NEO1: variants seen among roughly 807,000 people sequenced by gnomAD.
NEO1 encodes neogenin 1.
Under a neutral mutation model 159.7 loss-of-function variants are expected in NEO1, and 63 were observed. That is an observed-to-expected ratio of 0.39 (90% CI 0.32 to 0.49). The LOEUF is 0.49. Among genes scored for constraint, NEO1 ranks in the 20% least tolerant of loss-of-function variants. NEO1 has a pLI of 0.85. For missense variants in NEO1, 1,615 were observed against 1,831.0 expected (o/e 0.88, Z 2.15); for synonymous variants, 633 against 662.0 (o/e 0.96, Z 0.67).
intron 1 of NEO1, among the ~76,000 whole-genome samples, chr15:73,096,128 G>A (rs2070016088): frequency 6.6e-6 from 1 of 152,104 alleles, no homozygotes; most frequent in African/African-American, 2.4e-5. Flanking sequence ...GAAACCCACA[G>A]CAGCAGATCA....
intron 15 of NEO1, among the ~76,000 whole-genome samples, chr15:73,263,022 G>T (rs1442639559): frequency 6.6e-6 from 1 of 151,888 alleles, no homozygotes; most frequent in Non-Finnish European, 1.5e-5. Context: ...TGGAACCAGG[G>T]GTGTTAGGAA....
At chr15:73,285,355 A>G (rs1263843105) in intron 23 of NEO1, among the ~76,000 whole-genome samples, 1 of 152,202 alleles carries the variant, frequency 6.6e-6, no homozygotes, top group African/African-American at 2.4e-5. Flanking sequence ...CCTGACCTCA[A>G]GTGATCTGCC....
intron 1 of NEO1, among the ~76,000 whole-genome samples, chr15:73,104,804 C>G (rs1210035011): frequency 2.0e-5 from 3 of 152,064 alleles, no homozygotes; most frequent in African/African-American, 7.2e-5. Flanking sequence ...GAAGGTGGAG[C>G]AGGGCACATC....
In NEO1 at chr15:73,116,635, G is replaced by C; in HGVS notation, c.226G>C (p.Ala76Pro). Residue 76 changes from alanine (A) to proline (P), a missense_variant, in exon 2 of 29, where the codon GCA becomes CCA. By Grantham distance (27) the Ala-to-Pro change is conservative (BLOSUM62 -1). This residue lies in a region of NEO1 where 1,018 missense variants were observed against 1,115.4 expected (regional missense o/e 0.91). Transcript: ENST00000261908. Reference protein sequence around the residue: ...RGSSVILNCSAYSEPSPKIEW... With the variant: ...RGSSVILNCSPYSEPSPKIEW... ...CTCTTCTGTTATATTAAACTGTTCA[G>C]CATATTCTGAGCCTTCTCCAAAAAT... The C allele has an allele frequency of 6.2e-7, 1 of 1,613,790 alleles. No individual in the cohort carries two copies. The highest frequency in any genetic ancestry group is 8.5e-7 in the Non-Finnish European group (1 of 1,179,874).
chr15:73,274,870 G>A, intron 21 of NEO1, 146 bp downstream of exon 21: 1 of 749,140 alleles, frequency 1.3e-6, no homozygotes, highest in East Asian at 2.6e-5. Flanking sequence ...AAGTAGAGTT[G>A]AGTCCATGTT....
intron 7 of NEO1, among the ~76,000 whole-genome samples, chr15:73,187,735 G>A (rs1354573963): frequency 6.6e-6 from 1 of 152,168 alleles, no homozygotes; most frequent in Non-Finnish European, 1.5e-5. Context: ...GGCACAGTTT[G>A]CGAATCTCAA....
chr15:73,282,370 A>G (rs188170772), intron 22 of NEO1, among the ~76,000 whole-genome samples: 233 of 152,362 alleles, frequency 1.5e-3, no homozygotes, highest in African/African-American at 5.3e-3. Context: ...ACAATGACTG[A>G]CACATAGTAA....
chr15:73,176,405 C>A lies in NEO1; in HGVS notation c.1018C>A (p.Gln340Lys). The change falls in exon 6 of 29, where the codon CAA becomes AAA. Residue 340 changes from glutamine (Q) to lysine (K), a missense_variant and splice_region_variant. Gln to Lys is a moderately conservative substitution (Grantham distance 53, BLOSUM62 1). This residue lies in a region of NEO1 where 1,018 missense variants were observed against 1,115.4 expected (regional missense o/e 0.91). Coordinates refer to ENST00000261908, the MANE Select transcript of NEO1 (RefSeq NM_002499.4). ...EAQAELTVQA[Q>K]PEFLKQPTNI... is the part of the protein sequence containing the mutation. ...TTAATTTCCTTTTTATTTTAAAGCT[C>A]AACCTGAATTCCTGAAGCAGCCTAC... 6.5e-7 allele frequency: 1 copy of A among 1,534,814 alleles called. No homozygotes were observed. The highest frequency in any genetic ancestry group is 1.9e-5 in the Admixed American group (1 of 51,918).
At chr15:73,114,520 G>A (rs1300540044) in intron 1 of NEO1, among the ~76,000 whole-genome samples, 4 of 152,108 alleles carry the variant, frequency 2.6e-5, no homozygotes, top group South Asian at 4.1e-4. Context: ...TTTCCTTTGA[G>A]TGTAATTCAC....
Position 73,218,203 on chromosome 15 carries a change from G to C in NEO1, c.1292-18144G>C, listed in dbSNP as rs1596371682. On this transcript the variant is annotated intron_variant, in intron 7 of 28. Transcript: ENST00000261908. ...GGTAATCATGTGGTTTTTGTCTTTG[G>C]TTCTGTTTATATGCTGGATTACATT... Among the ~76,000 whole-genome samples, 13 of 152,024 alleles carry C rather than the reference G, an allele frequency of 8.6e-5. 1 individual carries two copies. The South Asian group carries it at 2.7e-3, about 32-fold the overall frequency.
At chr15:73,251,337 G>T (rs558589305) in intron 11 of NEO1, among the ~76,000 whole-genome samples, 1 of 151,576 alleles carries the variant, frequency 6.6e-6, no homozygotes, top group African/African-American at 2.4e-5. Context: ...ATGACAAAAC[G>T]CCATCTCTAC....
At chr15:73,163,726 G>A (rs766120114) in intron 5 of NEO1, among the ~76,000 whole-genome samples, 3 of 152,210 alleles carry the variant, frequency 2.0e-5, no homozygotes, top group African/African-American at 7.2e-5. Context: ...TAAGCTCCCA[G>A]ATGTTGCCAG....
intron 5 of NEO1, among the ~76,000 whole-genome samples, chr15:73,140,325 G>T (rs2032259125): frequency 6.6e-6 from 1 of 152,158 alleles, no homozygotes; most frequent in Admixed American, 6.5e-5. Context: ...AGAGGCTGAG[G>T]CAGGAGGATC....
intron 18 of NEO1, 91 bp from the exon 19 acceptor site, chr15:73,272,364 C>G (rs2041212386): frequency 2.3e-6 from 2 of 882,224 alleles, no homozygotes; most frequent in African/African-American, 3.4e-5. Context: ...GCCTTGTGCC[C>G]TTTATTTTGC....
chr15:73,099,605 T>C (rs1053368465), intron 1 of NEO1, among the ~76,000 whole-genome samples: 2 of 152,264 alleles, frequency 1.3e-5, no homozygotes, highest in Non-Finnish European at 2.9e-5. Flanking sequence ...TTCATAAATA[T>C]TACTTCTGTT....
chr15:73,100,209 C>T (rs1206867207), intron 1 of NEO1, among the ~76,000 whole-genome samples: 1 of 152,132 alleles, frequency 6.6e-6, no homozygotes, highest in South Asian at 2.1e-4. Flanking sequence ...TAAAATAATA[C>T]CCCAGTCTCA....
At chr15:73,200,295 G>A (rs1337441770) in intron 7 of NEO1, among the ~76,000 whole-genome samples, 2 of 152,110 alleles carry the variant, frequency 1.3e-5, no homozygotes, top group East Asian at 1.9e-4. Context: ...TTAAGAAATT[G>A]GTTGGCCCAG....
intron 1 of NEO1, among the ~76,000 whole-genome samples, chr15:73,054,098 T>C (rs933208071): frequency 2.6e-5 from 4 of 152,254 alleles, no homozygotes; most frequent in Non-Finnish European, 4.4e-5. Flanking sequence ...CCCTTATACA[T>C]TCAGTCCGTA....
intron 7 of NEO1, among the ~76,000 whole-genome samples, chr15:73,225,972 G>T (rs1433968024): frequency 1.3e-5 from 2 of 152,150 alleles, no homozygotes; most frequent in Non-Finnish European, 2.9e-5. Context: ...CTTTCTCGCT[G>T]CTTCCTCTAC....
Sources: gnomAD v4.1 joint callset for allele counts (sites outside exome capture counted in the v4.1 genomes callset) on GRCh38, gnomAD v4.1.1 for gene constraint, gnomAD v4.1.1 regional missense constraint, MANE v1.5 for transcripts, NCBI Gene and HGNC (gene_info 2026-07-23, HGNC 2026-07-21) for gene names.